DENND4C: variants seen among roughly 807,000 people sequenced by gnomAD.
The protein encoded by DENND4C is DENN domain-containing protein 4C.
DENND4C carries 108 observed loss-of-function variants against 203.0 expected under a neutral mutation model. The observed-to-expected ratio is 0.53, with a 90% CI of 0.46 to 0.62. DENND4C has a LOEUF of 0.62. DENND4C is among the 20% of genes least tolerant of loss of function. The pLI is 0.00. For missense variants in DENND4C, 2,481 were observed against 2,301.2 expected (o/e 1.08, Z -1.60); for synonymous variants, 871 against 792.4 (o/e 1.10, Z -1.67).
chr9:19,268,514 A>G (rs920326085), intron 1 of DENND4C, among the ~76,000 whole-genome samples: 1 of 152,130 alleles, frequency 6.6e-6, no homozygotes, highest in Admixed American at 6.6e-5. Flanking sequence ...TGTATTTGCT[A>G]TTACCAGGGA....
chr9:19,243,365 A>G (rs1824260244), intron 1 of DENND4C, among the ~76,000 whole-genome samples: 1 of 152,208 alleles, frequency 6.6e-6, no homozygotes, highest in Admixed American at 6.5e-5. Context: ...AATTAACATA[A>G]CATGAAATTT....
chr9:19,337,379 T>G (rs1333629088), intron 20 of DENND4C, among the ~76,000 whole-genome samples: 3 of 152,216 alleles, frequency 2.0e-5, no homozygotes, highest in African/African-American at 7.2e-5. Context: ...GATATATGTG[T>G]GTTACATATC....
chr9:19,350,909 TG>T (rs764653218), intron 24 of DENND4C, 30 bp downstream of exon 24: 1 of 1,560,646 alleles, frequency 6.4e-7, no homozygotes, highest in East Asian at 2.3e-5. Flanking sequence ...TTTCTTCATT[TG>T]CTTTATAATA....
rs188959327 is a variant in DENND4C at position 19,359,229 on chromosome 9, T to C, written c.5161-1015T>C. Among the ~76,000 whole-genome samples the C allele has an allele frequency of 2.2e-4, 34 of 151,908 alleles. 3 individuals are homozygous for C. Among genetic ancestry groups the C allele is most frequent in the African/African-American group, 7.5e-4 (31 of 41,176 alleles). On this transcript the variant is annotated intron_variant, in intron 28 of 32. Transcript: ENST00000434457. Reference sequence around the variant, plus strand: ...GGGTATCATTATGAGCTCATTGATTTCAACATTTATGTTTAATTAAGTAAT... The same window carrying C: ...GGGTATCATTATGAGCTCATTGATTCCAACATTTATGTTTAATTAAGTAAT...
At chr9:19,290,444 G>A (rs1299373058) in intron 4 of DENND4C, among the ~76,000 whole-genome samples, 1 of 152,114 alleles carries the variant, frequency 6.6e-6, no homozygotes, top group Non-Finnish European at 1.5e-5. Context: ...ATTAAGATTG[G>A]TGATCAAGAT....
chr9:19,235,680 A>G (rs1821790614), intron 1 of DENND4C, among the ~76,000 whole-genome samples: 1 of 135,996 alleles, frequency 7.4e-6, no homozygotes, highest in Non-Finnish European at 1.5e-5. Context: ...GCGTGATCTC[A>G]GCTCACTGCA....
At chr9:19,277,792 A>T (rs1228954616) in intron 2 of DENND4C, among the ~76,000 whole-genome samples, 1 of 152,162 alleles carries the variant, frequency 6.6e-6, no homozygotes, top group African/African-American at 2.4e-5. Context: ...AACTGTAAAT[A>T]TTCCTTAAAT....
intron 1 of DENND4C, among the ~76,000 whole-genome samples, chr9:19,245,093 T>C (rs960171965): frequency 6.6e-6 from 1 of 152,224 alleles, no homozygotes; most frequent in African/African-American, 2.4e-5. Flanking sequence ...TGGCTGTATA[T>C]TCTAAATGGG....
intron 1 of DENND4C, among the ~76,000 whole-genome samples, chr9:19,246,934 T>C (rs1046764299): frequency 6.6e-6 from 1 of 152,198 alleles, no homozygotes; most frequent in Non-Finnish European, 1.5e-5. Context: ...TCAGAAAGAA[T>C]TGCTCATTCT....
At chr9:19,338,714 A>G (rs1354180810) in intron 20 of DENND4C, among the ~76,000 whole-genome samples, 2 of 152,204 alleles carry the variant, frequency 1.3e-5, no homozygotes, top group East Asian at 1.9e-4. Context: ...GTCCCAGCCT[A>G]GTGTTCATTT....
At chr9:19,234,224 G>A (rs1821297232) in intron 1 of DENND4C, among the ~76,000 whole-genome samples, 1 of 151,514 alleles carries the variant, frequency 6.6e-6, no homozygotes, top group Non-Finnish European at 1.5e-5. Flanking sequence ...TACTCTGATT[G>A]TTATTTTTAT....
chr9:19,311,179 A>C (rs1840663400), intron 10 of DENND4C, among the ~76,000 whole-genome samples: 1 of 152,108 alleles, frequency 6.6e-6, no homozygotes, highest in Non-Finnish European at 1.5e-5. Flanking sequence ...GATGGAGTAG[A>C]GTGGCCCAAT....
At chr9:19,235,472 A>G (rs532282917) in intron 1 of DENND4C, among the ~76,000 whole-genome samples, 26 of 152,330 alleles carry the variant, frequency 1.7e-4, no homozygotes, top group African/African-American at 6.3e-4. Context: ...TTATGATATA[A>G]GAAGTAATGT....
intron 10 of DENND4C, among the ~76,000 whole-genome samples, chr9:19,307,230 T>C (rs983488128): frequency 1.3e-5 from 2 of 151,622 alleles, no homozygotes; most frequent in Non-Finnish European, 2.9e-5. Context: ...AGACTCCATC[T>C]ACATAAAATA....
intron 1 of DENND4C, among the ~76,000 whole-genome samples, chr9:19,250,519 C>T (rs767699285): frequency 2.6e-5 from 4 of 152,078 alleles, no homozygotes; most frequent in Non-Finnish European, 1.5e-5. Flanking sequence ...TGAGTCGCTG[C>T]ACCCGACCCC....
chr9:19,340,344 G>A (rs1478066907), intron 20 of DENND4C, among the ~76,000 whole-genome samples: 2 of 152,190 alleles, frequency 1.3e-5, no homozygotes, highest in African/African-American at 4.8e-5. Context: ...AAAATAATGT[G>A]TTCAAAGTTA....
chr9:19,346,645 A>C lies in DENND4C; in HGVS notation c.3876A>C (p.Lys1292Asn). 1 of 1,614,110 alleles carries C rather than the reference A, an allele frequency of 6.2e-7. No individual in the cohort carries two copies. Among genetic ancestry groups the C allele is most frequent in the Non-Finnish European group, 8.5e-7 (1 of 1,180,008 alleles). ...ADEIESYMNL[K>N]SPLGSKSSSM... ...AAATAGAAAGCTATATGAACCTAAA[A>C]AGTCCCCTAGGTAGTAAATCTTCTA... The change falls in exon 23 of 33, where the codon AAA becomes AAC. Residue 1292 changes from lysine (K) to asparagine (N), a missense_variant. This residue lies in a region of DENND4C where 2,289 missense variants were observed against 2,113.3 expected (regional missense o/e 1.08). Transcript: ENST00000434457.
rs765446691 is a variant in DENND4C, at chr9:19,281,531, TTTG to T, written c.305+5054_305+5056del. ...TAATATGAAACACTGTTGCTAAACT[TTTG>T]TCTTTTTTACTGTTTTATAAACTGA... On this transcript the variant is annotated intron_variant, in intron 2 of 32. Transcript: ENST00000434457. Among the ~76,000 whole-genome samples the T allele has an allele frequency of 1.5e-4, 23 of 152,316 alleles. No individual in the cohort carries two copies. The East Asian group carries it at 4.2e-3, about 28-fold the overall frequency.
intron 4 of DENND4C, among the ~76,000 whole-genome samples, chr9:19,289,399 A>G (rs941796735): frequency 2.0e-5 from 3 of 152,240 alleles, no homozygotes; most frequent in Non-Finnish European, 2.9e-5. Flanking sequence ...GTTTTACTTC[A>G]GGGAAGTCAG....
Sources: allele counts gnomAD v4.1 joint callset (sites outside exome capture counted in the v4.1 genomes callset), GRCh38; gene constraint gnomAD v4.1.1; regional missense constraint gnomAD v4.1.1; transcripts MANE v1.5; gene names NCBI Gene and HGNC (gene_info 2026-07-23, HGNC 2026-07-21).